Variants in KHDRBS2 observed in about 807,000 individuals in gnomAD.
KHDRBS2 encodes the protein KH domain-containing, RNA-binding, signal transduction-associated protein 2.
Under a neutral mutation model 44.3 loss-of-function variants are expected in KHDRBS2, and 26 were observed. The ratio of observed to expected loss-of-function variants is 0.59; its 90% CI spans 0.43 to 0.81. The LOEUF is 0.81. Among genes scored for constraint, KHDRBS2 ranks in the 40% least tolerant of loss-of-function variants. The pLI, the probability that KHDRBS2 is intolerant of heterozygous loss-of-function variation, is 0.00. For missense variants in KHDRBS2, 476 were observed against 433.1 expected, an observed-to-expected ratio of 1.10 and a Z score of -0.88; for synonymous variants, 194 against 151.1, an observed-to-expected ratio of 1.28 and a Z score of -2.08.
intron 2 of KHDRBS2, among the ~76,000 whole-genome samples, chr6:62,096,855 A>G (rs1430837955): frequency 6.6e-6 from 1 of 151,864 alleles, no homozygotes; most frequent in African/African-American, 2.4e-5. Flanking sequence ...CAACAAAAGT[A>G]GTTTCAAGAG....
At chr6:61,921,328 C>A (rs1320496808) in intron 4 of KHDRBS2, among the ~76,000 whole-genome samples, 1 of 151,858 alleles carries the variant, frequency 6.6e-6, no homozygotes, top group Non-Finnish European at 1.5e-5. Context: ...GAGTAAATTT[C>A]TCTTGCTATT....
At chr6:61,550,314 T>A in the KHDRBS2 span, among the ~76,000 whole-genome samples, 1 of 152,222 alleles carries the variant, frequency 6.6e-6, no homozygotes, top group South Asian at 2.1e-4. Flanking sequence ...TTTCTGTTCC[T>A]GTGTTCACTT....
chr6:61,835,819 AT>A (rs1441847341), intron 6 of KHDRBS2, among the ~76,000 whole-genome samples: 2 of 151,810 alleles, frequency 1.3e-5, no homozygotes, highest in Non-Finnish European at 2.9e-5. Context: ...TACTAAGAAA[AT>A]TAATAATATG....
the KHDRBS2 span, among the ~76,000 whole-genome samples, chr6:61,553,749 A>G: frequency 0.021 from 3,270 of 152,130 alleles, 119 homozygotes; most frequent in African/African-American, 0.075. Context: ...CCTTGATTTC[A>G]TTATTTACCA....
chr6:61,575,186 G>A, the KHDRBS2 span, among the ~76,000 whole-genome samples: 1 of 152,160 alleles, frequency 6.6e-6, no homozygotes, highest in Admixed American at 6.5e-5. Flanking sequence ...AGCCCACAGA[G>A]TGGGAGAAAA....
chr6:62,225,587 G>C (rs1339414836), intron 1 of KHDRBS2, among the ~76,000 whole-genome samples: 1 of 152,130 alleles, frequency 6.6e-6, no homozygotes, highest in Non-Finnish European at 1.5e-5. Context: ...TTGTTACATA[G>C]GTATACATGT....
chr6:61,777,752 A>C (rs1200035498), intron 6 of KHDRBS2, among the ~76,000 whole-genome samples: 2 of 152,140 alleles, frequency 1.3e-5, no homozygotes, highest in Non-Finnish European at 2.9e-5. Flanking sequence ...ATCTTTCAAA[A>C]ATTCCAGCAC....
chr6:61,918,466 G>A (rs960414580), intron 4 of KHDRBS2, among the ~76,000 whole-genome samples: 9 of 151,774 alleles, frequency 5.9e-5, no homozygotes, highest in Admixed American at 4.6e-4. Context: ...CTCATGATGG[G>A]ATTATTGCCC....
chr6:61,804,989 G>T (rs1380514567), intron 6 of KHDRBS2, among the ~76,000 whole-genome samples: 5 of 152,126 alleles, frequency 3.3e-5, no homozygotes, highest in African/African-American at 9.7e-5. Context: ...TTTCTCCTCA[G>T]AAAATGGATT....
intron 6 of KHDRBS2, among the ~76,000 whole-genome samples, chr6:61,852,562 CAAAAA>C (rs773776834): frequency 1.4e-5 from 1 of 70,226 alleles, no homozygotes. Flanking sequence ...GACTCCGTCT[CAAAAA>C]AAAAAAAAAA....
intron 6 of KHDRBS2, among the ~76,000 whole-genome samples, chr6:61,776,170 C>A (rs1412659561): frequency 6.6e-6 from 1 of 152,084 alleles, no homozygotes; most frequent in Admixed American, 6.5e-5. Context: ...ACATGTTAGA[C>A]CTAAAACCAT....
intron 2 of KHDRBS2, among the ~76,000 whole-genome samples, chr6:62,059,080 C>T (rs531516938): frequency 6.4e-4 from 96 of 149,648 alleles, no homozygotes; most frequent in African/African-American, 2.3e-3. Flanking sequence ...AGGGGCTGTA[C>T]ATAAACAATT....
the KHDRBS2 span, among the ~76,000 whole-genome samples, chr6:61,607,854 T>C: frequency 4.6e-5 from 7 of 151,988 alleles, no homozygotes; most frequent in African/African-American, 1.5e-4. Context: ...CGCCTGGCTA[T>C]TTTTTGTATT....
At chr6:62,247,616 C>T (rs1835813157) in intron 1 of KHDRBS2, among the ~76,000 whole-genome samples, 1 of 151,996 alleles carries the variant, frequency 6.6e-6, no homozygotes, top group African/African-American at 2.4e-5. Flanking sequence ...GCTCCACTTA[C>T]TCACTGTGTT....
chr6:61,770,538 T>G (rs903224775), intron 6 of KHDRBS2, among the ~76,000 whole-genome samples: 8 of 152,132 alleles, frequency 5.3e-5, no homozygotes, highest in Non-Finnish European at 8.8e-5. Flanking sequence ...ATGTGACGAA[T>G]GCAGAAGCCT....
At chr6:61,631,124 G>A in the KHDRBS2 span, among the ~76,000 whole-genome samples, 2 of 151,958 alleles carry the variant, frequency 1.3e-5, no homozygotes, top group Admixed American at 1.3e-4. Flanking sequence ...ATATCACTAA[G>A]TTTTTGGCAT....
the KHDRBS2 span, among the ~76,000 whole-genome samples, chr6:61,641,917 G>T: frequency 6.6e-6 from 1 of 152,140 alleles, no homozygotes; most frequent in Admixed American, 6.5e-5. Context: ...GCTGGAAATT[G>T]GATTAAGTAC....
intron 2 of KHDRBS2, among the ~76,000 whole-genome samples, chr6:62,106,546 C>A (rs913689157): frequency 2.6e-5 from 4 of 152,034 alleles, no homozygotes; most frequent in African/African-American, 9.7e-5. Context: ...GGAACTGGTA[C>A]CTTTCCTTCT....
At chr6:61,657,776 C>T in the KHDRBS2 span, among the ~76,000 whole-genome samples, 499 of 152,042 alleles carry the variant, frequency 3.3e-3, 4 homozygotes, top group African/African-American at 0.011. Flanking sequence ...AAGGAGCTCT[C>T]CTGCAATTCT....
Sources: allele counts gnomAD v4.1 joint callset (sites outside exome capture counted in the v4.1 genomes callset), GRCh38; gene constraint gnomAD v4.1.1; transcripts MANE v1.5; gene names NCBI Gene and HGNC (gene_info 2026-07-23, HGNC 2026-07-21).